The following NOTCH2 variants were observed in gnomAD, a reference collection of about 807,000 sequenced individuals.
NOTCH2 encodes the protein neurogenic locus notch homolog protein 2.
Under a neutral mutation model 235.8 loss-of-function variants are expected in NOTCH2, and 29 were observed. The observed-to-expected ratio is 0.12, with a 90% CI of 0.09 to 0.17. The LOEUF (loss-of-function observed/expected upper bound fraction) is 0.17, where lower values mean the gene tolerates loss of function less well. Among genes scored for constraint, NOTCH2 ranks in the 10% least tolerant of loss-of-function variants. NOTCH2 has a pLI of 1.00. For synonymous variants in NOTCH2, 1,086 were observed against 1,141.5 expected (o/e 0.95, Z 0.98); for missense variants, 2,285 against 3,150.2 (o/e 0.73, Z 6.57).
chr1:119,977,840 T>C (rs1651650378), intron 5 of NOTCH2, among the ~76,000 whole-genome samples: 1 of 152,172 alleles, frequency 6.6e-6, no homozygotes, highest in African/African-American at 2.4e-5. Context: ...CTGTAATTCA[T>C]TCATTCGTTT....
intron 1 of NOTCH2, among the ~76,000 whole-genome samples, chr1:120,063,876 C>T (rs587698354): frequency 3.7e-4 from 57 of 152,314 alleles, no homozygotes; most frequent in African/African-American, 1.3e-3. Flanking sequence ...TAGGGAAACA[C>T]TGCTTGATAA....
chr1:119,975,612 C>G (rs1396161758), intron 5 of NOTCH2, among the ~76,000 whole-genome samples: 2 of 147,194 alleles, frequency 1.4e-5, no homozygotes, highest in African/African-American at 5.0e-5. Flanking sequence ...TGCCACTGCA[C>G]TCCAGCCTGG....
At chr1:119,990,115 A>G (rs12083713) in intron 4 of NOTCH2, among the ~76,000 whole-genome samples, 3,263 of 68,642 alleles carry the variant, frequency 0.048, no homozygotes, top group African/African-American at 0.13. Context: ...AATGTGGTAA[A>G]TCCATATGAT....
chr1:119,916,995 A>C (rs1649103830), intron 33 of NOTCH2, among the ~76,000 whole-genome samples: 1 of 151,946 alleles, frequency 6.6e-6, no homozygotes, highest in African/African-American at 2.4e-5. Flanking sequence ...CCAGAGACTC[A>C]CTTAAAAGAG....
intron 31 of NOTCH2, among the ~76,000 whole-genome samples, chr1:119,918,950 AAGCCCATAC>A (rs71658894): frequency 0.17 from 25,417 of 152,106 alleles, 2,920 homozygotes; most frequent in African/African-American, 0.32. Context: ...GAGCAGCTAG[AAGCCCATAC>A]AGTCAGGCCA....
chr1:120,069,334 C>T lies in NOTCH2; in HGVS notation c.73G>A (p.Ala25Thr), dbSNP rs782589993. 5 of 1,567,786 alleles carry T rather than the reference C, an allele frequency of 3.2e-6. No individual in the cohort carries two copies. The highest frequency in any genetic ancestry group is 4.3e-6 in the Non-Finnish European group (5 of 1,165,218). ...LWLCCAAPAH[A>T]LQCRDGYEPC... ...CAGCGCCCCTCAGCCCGATACTCAC[C>T]ATGCGCGGGGGCCGCGCAGCACAGC... is the stretch of plus-strand genomic sequence containing the variant. The change falls in exon 1 of 34, where the codon GCA becomes ACA. Residue 25 changes from alanine to threonine, a missense_variant and splice_region_variant. Coordinates refer to ENST00000256646, the MANE Select transcript of NOTCH2 (RefSeq NM_024408.4).
At chr1:119,958,858 G>C (rs1259357034) in intron 12 of NOTCH2, among the ~76,000 whole-genome samples, 1 of 151,816 alleles carries the variant, frequency 6.6e-6, no homozygotes, top group Non-Finnish European at 1.5e-5. Flanking sequence ...CTTCCTCCTG[G>C]GCAGAAAGAT....
intron 22 of NOTCH2, among the ~76,000 whole-genome samples, chr1:119,931,807 G>C (rs1649670534): frequency 1.3e-5 from 2 of 151,672 alleles, no homozygotes; most frequent in South Asian, 4.2e-4. Flanking sequence ...TCAAAATCCA[G>C]AAGCCATTTT....
At chr1:119,937,771 T>A (rs2453057) in intron 20 of NOTCH2, 86 bp downstream of exon 20, 1 of 1,504,630 alleles carries the variant, frequency 6.6e-7, no homozygotes, top group Non-Finnish European at 9.2e-7. Context: ...TCCCTCTTAT[T>A]CCACAAAAAA....
chr1:120,011,109 TAAAG>T (rs1420925704), intron 2 of NOTCH2, among the ~76,000 whole-genome samples: 2 of 152,122 alleles, frequency 1.3e-5, no homozygotes, highest in African/African-American at 4.8e-5. Context: ...CCAGGAGCTG[TAAAG>T]AAAGGGAAAT....
chr1:119,959,535 T>C (rs1650857293), intron 11 of NOTCH2, 33 bp from the exon 12 acceptor site: 3 of 1,156,552 alleles, frequency 2.6e-6, no homozygotes, highest in Non-Finnish European at 3.9e-6. Context: ...AACCATTCAA[T>C]GTTACCACAG....
At chr1:119,946,392 T>A (rs1426403963) in intron 17 of NOTCH2, among the ~76,000 whole-genome samples, 1 of 152,008 alleles carries the variant, frequency 6.6e-6, no homozygotes, top group African/African-American at 2.4e-5. Flanking sequence ...AACACAGATA[T>A]AGAAATCCTT....
At chr1:119,969,859 A>C (rs1461968193) in intron 5 of NOTCH2, 115 bp from the exon 6 acceptor site, 15 of 914,872 alleles carry the variant, frequency 1.6e-5, no homozygotes, top group Non-Finnish European at 1.8e-5. Flanking sequence ...AGGCAAGCAG[A>C]GCTCCAGAAG....
chr1:120,029,341 T>A (rs868963308), intron 2 of NOTCH2, among the ~76,000 whole-genome samples: 21 of 151,896 alleles, frequency 1.4e-4, no homozygotes, highest in South Asian at 8.3e-4. Context: ...TAATATATAT[T>A]TTTTTATATT....
At chr1:119,924,154 T>C (rs1183918258) in intron 25 of NOTCH2, among the ~76,000 whole-genome samples, 170 bp from the exon 26 acceptor site, 1 of 152,250 alleles carries the variant, frequency 6.6e-6, no homozygotes, top group Non-Finnish European at 1.5e-5. Flanking sequence ...CTGATGCCTA[T>C]GCCACTCATC....
intron 5 of NOTCH2, among the ~76,000 whole-genome samples, chr1:119,971,168 T>C (rs1015789535): frequency 6.6e-6 from 1 of 152,180 alleles, no homozygotes; most frequent in Non-Finnish European, 1.5e-5. Flanking sequence ...CTATCACACT[T>C]ATTTGGTTGC....
Position 119,940,755 on chromosome 1 carries a change from A to T in NOTCH2, c.2983T>A (p.Ser995Thr). The change falls in exon 19 of 34, where the codon TCC becomes ACC. Residue 995 changes from serine to threonine, a missense_variant and splice_region_variant. Ser to Thr is a moderately conservative substitution (Grantham distance 58). Transcript: ENST00000256646. ...ACACATGTGCCACCATTGAAACAGG[A>T]GCTAAGAAGCAAACAGAGCAACATC... The part of the protein sequence containing the change: ...ENNINECTES[S>T]CFNGGTCVDG... 6.2e-7 allele frequency: 1 copy of T among 1,614,014 alleles called. No homozygotes were observed.
At chr1:120,041,991 G>A (rs1415061825) in intron 1 of NOTCH2, among the ~76,000 whole-genome samples, 1 of 146,910 alleles carries the variant, frequency 6.8e-6, no homozygotes, top group African/African-American at 2.7e-5. Flanking sequence ...AAAAGGGAAA[G>A]AGAGAAAGAG....
intron 32 of NOTCH2, 120 bp from the exon 33 acceptor site, chr1:119,917,882 G>C: frequency 5.4e-6 from 4 of 741,600 alleles, no homozygotes; most frequent in Middle Eastern, 5.6e-4. Flanking sequence ...CTCTGTAGGG[G>C]TCTATAGGAA....
Sources: allele counts gnomAD v4.1 joint callset (sites outside exome capture counted in the v4.1 genomes callset), GRCh38; gene constraint gnomAD v4.1.1; transcripts MANE v1.5; gene names NCBI Gene and HGNC (gene_info 2026-07-23, HGNC 2026-07-21).